MYO9A: variants seen among roughly 807,000 people sequenced by gnomAD.
MYO9A encodes myosin IXA, also known as unconventional myosin-IXa.
MYO9A carries 103 observed loss-of-function variants against 293.3 expected under a neutral mutation model. That is an observed-to-expected ratio of 0.35 (90% confidence interval 0.30 to 0.41). The LOEUF is 0.41. Ranked by LOEUF, MYO9A falls within the 10% of genes least tolerant of loss-of-function variation. MYO9A has a pLI of 1.00. For missense variants in MYO9A, 2,685 were observed against 3,033.0 expected (o/e 0.89, Z 2.69); for synonymous variants, 1,001 against 1,035.7 (o/e 0.97, Z 0.64).
At chr15:72,048,492 A>G (rs1357337737) in intron 1 of MYO9A, among the ~76,000 whole-genome samples, 4 of 152,176 alleles carry the variant, frequency 2.6e-5, no homozygotes, top group Non-Finnish European at 5.9e-5. Context: ...GTTGGAGTGA[A>G]GAAAATTAAC....
intron 19 of MYO9A, among the ~76,000 whole-genome samples, chr15:71,905,531 T>A (rs542298856): frequency 6.6e-6 from 1 of 152,198 alleles, no homozygotes; most frequent in African/African-American, 2.4e-5. Flanking sequence ...ACGCCTATAA[T>A]CCCAGCATTT....
chr15:71,914,840 A>G (rs2057962871), intron 19 of MYO9A, among the ~76,000 whole-genome samples: 2 of 152,194 alleles, frequency 1.3e-5, no homozygotes, highest in Non-Finnish European at 2.9e-5. Flanking sequence ...TAGGATTGTG[A>G]TTATAACTAA....
intron 39 of MYO9A, among the ~76,000 whole-genome samples, chr15:71,835,011 G>A (rs1011894637): frequency 8.6e-5 from 13 of 152,022 alleles, no homozygotes; most frequent in African/African-American, 3.1e-4. Flanking sequence ...CATTAGAAAT[G>A]GACTCAGTGT....
intron 10 of MYO9A, among the ~76,000 whole-genome samples, chr15:71,994,267 C>T (rs926978370): frequency 6.6e-6 from 1 of 151,944 alleles, no homozygotes; most frequent in Non-Finnish European, 1.5e-5. Context: ...TGAATATACA[C>T]GTTCGGGAGG....
chr15:71,927,074 C>T (rs536529761), intron 18 of MYO9A, among the ~76,000 whole-genome samples: 1 of 152,220 alleles, frequency 6.6e-6, no homozygotes, highest in Admixed American at 6.5e-5. Flanking sequence ...TCCTCAGGCC[C>T]TCGGGGAGGG....
Position 71,850,129 on chromosome 15 carries a change from T to G in MYO9A, c.6620A>C (p.Asn2207Thr), listed in dbSNP as rs770478954. The G allele has an allele frequency of 6.2e-7, 1 of 1,614,056 alleles. No homozygotes were observed. Among genetic ancestry groups the G allele is most frequent in the East Asian group, 2.2e-5 (1 of 44,872 alleles). The change falls in exon 38 of 42, where the codon AAT becomes ACT. Residue 2207 changes from asparagine to threonine, a missense_variant. Coordinates refer to ENST00000356056, the MANE Select transcript of MYO9A (RefSeq NM_006901.4). ...LQEDTNRMSA[N>T]ALAIVFAPCI... is the part of the protein sequence containing the mutation. ...GGGCGCAAACACAATGGCCAAAGCA[T>G]TAGCAGACATTCGATTAGTGTCTTC... is the stretch of plus-strand genomic sequence containing the variant.
chr15:71,827,086 C>G (rs2054535856), intron 41 of MYO9A, 43 bp from the exon 42 acceptor site: 1 of 1,412,274 alleles, frequency 7.1e-7, no homozygotes, highest in East Asian at 2.3e-5. Flanking sequence ...ACAGTGCCCT[C>G]TAAAGCAAAT....
chr15:71,973,712 G>A (rs1010023129), intron 12 of MYO9A, among the ~76,000 whole-genome samples: 1 of 152,090 alleles, frequency 6.6e-6, no homozygotes, highest in East Asian at 1.9e-4. Context: ...AAGGATATTC[G>A]CCCAATGAAT....
intron 9 of MYO9A, among the ~76,000 whole-genome samples, chr15:71,996,929 CTGA>C (rs1271196892): frequency 6.6e-6 from 1 of 151,888 alleles, no homozygotes; most frequent in Non-Finnish European, 1.5e-5. Flanking sequence ...CCATATGAAA[CTGA>C]TGTCACATGA....
intron 39 of MYO9A, among the ~76,000 whole-genome samples, chr15:71,837,727 C>T (rs981470430): frequency 6.6e-6 from 1 of 152,022 alleles, no homozygotes; most frequent in African/African-American, 2.4e-5. Context: ...CTAGAATTAT[C>T]TTAAAAAGAT....
At chr15:71,998,338 A>C (rs1005318698) in intron 9 of MYO9A, among the ~76,000 whole-genome samples, 3 of 152,144 alleles carry the variant, frequency 2.0e-5, no homozygotes, top group Non-Finnish European at 4.4e-5. Flanking sequence ...AAAAGTAACT[A>C]ACGGGTAGTA....
intron 3 of MYO9A, among the ~76,000 whole-genome samples, chr15:72,031,063 G>T (rs2077852286): frequency 6.6e-6 from 1 of 152,128 alleles, no homozygotes; most frequent in Non-Finnish European, 1.5e-5. Context: ...ACATGAGAGT[G>T]ATCTAGGCTG....
intron 32 of MYO9A, among the ~76,000 whole-genome samples, chr15:71,873,720 T>C (rs914329165): frequency 6.6e-6 from 1 of 152,234 alleles, no homozygotes; most frequent in African/African-American, 2.4e-5. Context: ...TTTCTATGAA[T>C]TGCACTTATT....
At position 71,982,005 on chromosome 15, in the gene MYO9A, A is replaced by ATTTTT. The variant is rs750930471; in HGVS notation, c.1723-3718_1723-3714dup. ...TTGTTCAACCTCTAGCCTATTTAGA[A>ATTTTT]TTTTTTTTTTTTTTTTTTTTTTTTT... On this transcript the variant is annotated intron_variant, in intron 11 of 41. Transcript: ENST00000356056. Among the ~76,000 whole-genome samples the ATTTTT allele has an allele frequency of 2.8e-4, 16 of 56,308 alleles. 2 individuals carry two copies. Among genetic ancestry groups the ATTTTT allele is most frequent in the South Asian group, 9.8e-4 (1 of 1,016 alleles). The allele number at this position is 56,308 out of a possible 152,430, so 36.9% of individuals were successfully genotyped here.
intron 4 of MYO9A, among the ~76,000 whole-genome samples, chr15:72,025,597 G>T (rs951749675): frequency 6.6e-6 from 1 of 152,082 alleles, no homozygotes; most frequent in African/African-American, 2.4e-5. Flanking sequence ...TGATCTGCCT[G>T]CCTTGGTCTC....
intron 1 of MYO9A, among the ~76,000 whole-genome samples, chr15:72,069,634 G>C (rs2079122970): frequency 6.6e-6 from 1 of 152,140 alleles, no homozygotes; most frequent in Non-Finnish European, 1.5e-5. Context: ...AATAGAAAAA[G>C]ATAGTGATAG....
Position 71,916,576 on chromosome 15 carries a change from A to G in MYO9A, c.2563-84T>C, listed in dbSNP as rs751829677. 90 of 1,327,522 alleles carry G rather than the reference A, an allele frequency of 6.8e-5. No homozygotes were observed. In the Admixed American group the frequency reaches 9.0e-4, roughly 13 times the overall value. The allele number at this position is 1,327,522 out of a possible 1,614,324, so 82.2% of individuals were successfully genotyped here. ...TCTCAGCCAGTTTTCATCATTTCCTATCTATATGACCATTTCCCATCTTAA... is the reference window on the plus strand; with the variant it reads ...TCTCAGCCAGTTTTCATCATTTCCTGTCTATATGACCATTTCCCATCTTAA... On this transcript the variant is annotated intron_variant, in intron 18 of 41. Transcript: ENST00000356056.
chr15:72,061,487 G>A (rs2078877054), intron 1 of MYO9A, among the ~76,000 whole-genome samples: 1 of 147,636 alleles, frequency 6.8e-6, no homozygotes, highest in South Asian at 2.2e-4. Flanking sequence ...AAGCCTGGCA[G>A]GATTCACCAC....
At chr15:71,983,084 CA>C (rs2076315746) in intron 11 of MYO9A, among the ~76,000 whole-genome samples, 1 of 152,058 alleles carries the variant, frequency 6.6e-6, no homozygotes, top group East Asian at 1.9e-4. Context: ...TCTAGTCTGA[CA>C]ATCTTTAGCT....
Sources: gnomAD v4.1 joint callset for allele counts (sites outside exome capture counted in the v4.1 genomes callset) on GRCh38, gnomAD v4.1.1 for gene constraint, MANE v1.5 for transcripts, NCBI Gene and HGNC (gene_info 2026-07-23, HGNC 2026-07-21) for gene names.